The following ANTXR1 variants were observed in gnomAD, a reference collection of about 807,000 sequenced individuals.
ANTXR1 encodes the protein ANTXR cell adhesion molecule 1.
ANTXR1 carries 19 observed loss-of-function variants against 78.1 expected under a neutral mutation model. The observed-to-expected ratio is 0.24, with a 90% CI of 0.17 to 0.36. ANTXR1 has a LOEUF of 0.36. Ranked by LOEUF, ANTXR1 falls within the 10% of genes least tolerant of loss-of-function variation. The pLI, the probability that ANTXR1 is intolerant of heterozygous loss-of-function variation, is 1.00. For synonymous variants in ANTXR1, 273 were observed against 260.5 expected, an observed-to-expected ratio of 1.05 and a Z score of -0.46; for missense variants, 518 against 718.6, an observed-to-expected ratio of 0.72 and a Z score of 3.19.
intron 10 of ANTXR1, among the ~76,000 whole-genome samples, chr2:69,104,948 G>T (rs1671756449): frequency 6.6e-6 from 1 of 152,164 alleles, no homozygotes; most frequent in South Asian, 2.1e-4. Context: ...AACTGGGCGT[G>T]GTGGTGCACA....
chr2:69,158,113 T>G (rs1188759238), intron 13 of ANTXR1, among the ~76,000 whole-genome samples: 1 of 152,212 alleles, frequency 6.6e-6, no homozygotes, highest in Non-Finnish European at 1.5e-5. Context: ...AAGCTGAAGC[T>G]GTTGGAAGCC....
At chr2:69,151,285 A>G (rs1673388323) in intron 12 of ANTXR1, among the ~76,000 whole-genome samples, 1 of 143,612 alleles carries the variant, frequency 7.0e-6, no homozygotes, top group South Asian at 2.2e-4. Context: ...TGGAATAGCC[A>G]GTTCTATGCA....
chr2:69,027,307 A>G (rs897257972), intron 1 of ANTXR1, among the ~76,000 whole-genome samples: 39 of 152,186 alleles, frequency 2.6e-4, no homozygotes, highest in African/African-American at 8.9e-4. Context: ...GGGAAACGGC[A>G]GAGTTTTGTG....
intron 12 of ANTXR1, among the ~76,000 whole-genome samples, chr2:69,148,202 G>C (rs1673283421): frequency 6.7e-6 from 1 of 149,962 alleles, no homozygotes; most frequent in African/African-American, 2.5e-5. Context: ...CCTCAGCCTG[G>C]CTTGTGTGTC....
At chr2:69,078,731 C>T (rs4854539) in intron 8 of ANTXR1, among the ~76,000 whole-genome samples, 140,720 of 152,314 alleles carry the variant, frequency 0.92, 65,136 homozygotes, top group African/African-American at 0.98. Context: ...ATGCCTAATA[C>T]TTTTCCAGAC....
chr2:69,212,569 T>C (rs1675068560), intron 17 of ANTXR1, among the ~76,000 whole-genome samples: 1 of 152,198 alleles, frequency 6.6e-6, no homozygotes, highest in Non-Finnish European at 1.5e-5. Context: ...TAGATACATA[T>C]TTATATTTGT....
In ANTXR1 at chr2:69,170,315, TG is replaced by T. The variant is rs775808529; in HGVS notation, c.1089+29del. On this transcript the variant is annotated intron_variant, in intron 14 of 17. Coordinates refer to ENST00000303714, the MANE Select transcript of ANTXR1 (RefSeq NM_032208.3). ...GTAAGTGACCACAGCAGGATGGCAGTGGGTGGGCAGGGTGGCAGAGTAGGGT... is the reference window on the plus strand; with the variant it reads ...GTAAGTGACCACAGCAGGATGGCAGTGGTGGGCAGGGTGGCAGAGTAGGGT... The T allele has an allele frequency of 2.5e-6, 4 of 1,613,506 alleles. No individual in the cohort carries two copies. In the South Asian group the frequency reaches 4.4e-5, roughly 18 times the overall value.
chr2:69,101,574 T>G (rs1000674250), intron 9 of ANTXR1, among the ~76,000 whole-genome samples: 5 of 152,256 alleles, frequency 3.3e-5, no homozygotes, highest in Admixed American at 3.3e-4. Context: ...GTTATTATTG[T>G]CTTGGCAAAC....
At chr2:69,116,577 C>G (rs998479006) in intron 10 of ANTXR1, among the ~76,000 whole-genome samples, 1 of 152,126 alleles carries the variant, frequency 6.6e-6, no homozygotes, top group African/African-American at 2.4e-5. Context: ...TGAAAATGCT[C>G]CCTAGACCCA....
chr2:69,145,769 GA>G (rs1360397933), intron 12 of ANTXR1: 1 of 1,015,796 alleles, frequency 9.8e-7, no homozygotes, highest in African/African-American at 1.7e-5. Context: ...AAACAGAAAG[GA>G]GCAGCAGTGT....
At chr2:69,037,662 G>A (rs1669482795) in intron 1 of ANTXR1, among the ~76,000 whole-genome samples, 2 of 152,078 alleles carry the variant, frequency 1.3e-5, no homozygotes, top group Admixed American at 6.5e-5. Flanking sequence ...TAGAGACGGG[G>A]TTTCGCCATG....
At chr2:69,152,042 A>G (rs1342680245) in intron 12 of ANTXR1, 127 bp from the exon 13 acceptor site, 2 of 922,262 alleles carry the variant, frequency 2.2e-6, no homozygotes, top group Non-Finnish European at 1.7e-6. Flanking sequence ...CAGAGTTTCA[A>G]CCATTTGCTT....
intron 10 of ANTXR1, among the ~76,000 whole-genome samples, chr2:69,107,640 G>A (rs1009151464): frequency 3.3e-5 from 5 of 151,638 alleles, no homozygotes; most frequent in Non-Finnish European, 7.4e-5. Flanking sequence ...TTGAGATCAA[G>A]CTCGCTGATG....
chr2:69,195,177 A>G (rs1290262437), intron 17 of ANTXR1, among the ~76,000 whole-genome samples: 4 of 135,022 alleles, frequency 3.0e-5, no homozygotes, highest in East Asian at 2.4e-4. Flanking sequence ...AAAAAAAAAG[A>G]AAAAAGAAAA....
At chr2:69,126,008 C>G (rs1165201323) in intron 12 of ANTXR1, among the ~76,000 whole-genome samples, 1 of 152,184 alleles carries the variant, frequency 6.6e-6, no homozygotes, top group Non-Finnish European at 1.5e-5. Flanking sequence ...ATAGTCACTT[C>G]CTCGTTGGCC....
chr2:69,173,133 G>C (rs1197110000), intron 14 of ANTXR1, among the ~76,000 whole-genome samples: 1 of 152,176 alleles, frequency 6.6e-6, no homozygotes, highest in African/African-American at 2.4e-5. Flanking sequence ...ACTGTGGCTG[G>C]GGAAAGAACT....
intron 8 of ANTXR1, among the ~76,000 whole-genome samples, chr2:69,078,259 T>C (rs753145208): frequency 5.9e-5 from 9 of 152,250 alleles, no homozygotes; most frequent in Non-Finnish European, 1.0e-4. Flanking sequence ...GTATGTGTGC[T>C]GCACCTGCAA....
chr2:69,158,620 T>C (rs988767810), intron 13 of ANTXR1, among the ~76,000 whole-genome samples: 3 of 152,242 alleles, frequency 2.0e-5, no homozygotes, highest in Non-Finnish European at 4.4e-5. Flanking sequence ...ATACTTCAAG[T>C]ACCCATACAA....
chr2:69,019,891 T>C (rs1217029953), intron 1 of ANTXR1, among the ~76,000 whole-genome samples: 2 of 152,220 alleles, frequency 1.3e-5, no homozygotes, highest in South Asian at 2.1e-4. Context: ...GCTCCACCCA[T>C]GTTCCTGCAA....
Sources: allele counts gnomAD v4.1 joint callset (sites outside exome capture counted in the v4.1 genomes callset), GRCh38; gene constraint gnomAD v4.1.1; transcripts MANE v1.5; gene names NCBI Gene and HGNC (gene_info 2026-07-23, HGNC 2026-07-21).